Variants in PCDHGA5 observed in about 807,000 individuals in gnomAD.
PCDHGA5 encodes protocadherin gamma-A5.
In PCDHGA5, 36 loss-of-function variants were observed where a neutral mutation model predicts 56.7. That is an observed-to-expected ratio of 0.64 (90% CI 0.49 to 0.84). PCDHGA5 has a LOEUF of 0.84. Among genes scored for constraint, PCDHGA5 ranks in the 40% least tolerant of loss-of-function variants. The pLI is 0.00. For synonymous variants in PCDHGA5, 563 were observed against 520.2 expected (o/e 1.08, Z -1.12); for missense variants, 1,305 against 1,201.5 (o/e 1.09, Z -1.27).
At position 141,490,381 on chromosome 5, in the gene PCDHGA5, A is replaced by T. The variant is rs770046796; in HGVS notation, c.2422-4426A>T. 1 of 1,614,240 alleles carries T rather than the reference A, an allele frequency of 6.2e-7. No homozygotes were observed. The highest frequency in any genetic ancestry group is 1.1e-5 in the South Asian group (1 of 91,090). On this transcript the variant is annotated intron_variant, in intron 1 of 3. Coordinates refer to ENST00000518069, the MANE Select transcript of PCDHGA5 (RefSeq NM_018918.3). This position sits in a 1 kb window ranked among gnomAD's most constrained non-coding sequence, Gnocchi z 5.4. ...TAATGTGCGAGACCGGGACTCAGGT[A>T]GAAATGGTGAAGTGAGCCTTGATAT...
chr5:141,425,979 A>T lies in PCDHGA5; in HGVS notation c.2421+59228A>T, dbSNP rs114212354. ...GTCCAACACATCAGTCTAATTCTGA[A>T]TCCCATTGAATTAGCAAAGGCTTCC... On this transcript the variant is annotated intron_variant, in intron 1 of 3. Coordinates refer to ENST00000518069, the MANE Select transcript of PCDHGA5 (RefSeq NM_018918.3). Among the ~76,000 whole-genome samples, 592 of 152,328 alleles carry T rather than the reference A, an allele frequency of 3.9e-3. 5 individuals carry two copies. Among genetic ancestry groups the T allele is most frequent in the African/African-American group, 0.014 (563 of 41,580 alleles).
chr5:141,384,829 G>A (rs1243050988), intron 1 of PCDHGA5: 5 of 1,613,524 alleles, frequency 3.1e-6, no homozygotes, highest in Non-Finnish European at 4.2e-6. Flanking sequence ...GAGCCTCGTG[G>A]TGGCCGTCCA....
chr5:141,383,626 T>C (rs747491955), intron 1 of PCDHGA5: 1 of 1,613,896 alleles, frequency 6.2e-7, no homozygotes, highest in Non-Finnish European at 8.5e-7. Context: ...GCCTGTCTTC[T>C]CTCTGCCTCA....
rs76381401 is a variant in PCDHGA5, at chr5:141,399,054, G to A, written c.2421+32303G>A. 4.7e-4 allele frequency: 759 copies of A among 1,613,694 alleles called. 3 individuals are homozygous for A. The African/African-American group carries it at 8.4e-3, about 18-fold the overall frequency. ...AGAAACTGGATTTTGAAGAGACCAAGGAATATTCAATGGTTGTAGAAGGGA... is the reference window on the plus strand; with the variant it reads ...AGAAACTGGATTTTGAAGAGACCAAAGAATATTCAATGGTTGTAGAAGGGA... On this transcript the variant is annotated intron_variant, in intron 1 of 3. Coordinates refer to ENST00000518069, the MANE Select transcript of PCDHGA5 (RefSeq NM_018918.3).
intron 1 of PCDHGA5, chr5:141,375,127 T>C (rs368439130): frequency 2.5e-6 from 4 of 1,613,808 alleles, no homozygotes; most frequent in African/African-American, 1.3e-5. Flanking sequence ...CAGAAGTGGT[T>C]GTTACATCTG....
At position 141,486,530 on chromosome 5, in the gene PCDHGA5, C is replaced by T; in HGVS notation, c.2422-8277C>T. 6.2e-7 allele frequency: 1 copy of T among 1,614,174 alleles called. No homozygotes were observed. The highest frequency in any genetic ancestry group is 8.5e-7 in the Non-Finnish European group (1 of 1,180,022). On this transcript the variant is annotated intron_variant, in intron 1 of 3. Transcript: ENST00000518069. The surrounding 1 kb of genome is among the most constrained non-coding windows in gnomAD (Gnocchi z 5.0). Reference sequence around the variant, plus strand: ...TATTTCAGATGTGAATGATAATCCACCCTCTTTCTTTCAGAGGTCACATGA... The same window carrying T: ...TATTTCAGATGTGAATGATAATCCATCCTCTTTCTTTCAGAGGTCACATGA...
intron 1 of PCDHGA5, chr5:141,399,025 CAAAAG>C (rs750003738): frequency 6.8e-6 from 11 of 1,613,846 alleles, no homozygotes; most frequent in Admixed American, 5.0e-5. Context: ...AATTACCACT[CAAAAG>C]AAACTGGATT....
At chr5:141,377,212 G>A (rs1390877095) in intron 1 of PCDHGA5, 4 of 151,992 alleles carry the variant, frequency 2.6e-5, no homozygotes, top group African/African-American at 4.8e-5. Context: ...AGTACATCTC[G>A]TTTCTTAGGT....
At chr5:141,469,543 C>T (rs1031152008) in intron 1 of PCDHGA5, among the ~76,000 whole-genome samples, 1 of 152,040 alleles carries the variant, frequency 6.6e-6, no homozygotes, top group Non-Finnish European at 1.5e-5. Context: ...CCACTGCACT[C>T]CAGCCTGGCG....
At chr5:141,375,315 A>T (rs372335399) in intron 1 of PCDHGA5, 6 of 1,613,674 alleles carry the variant, frequency 3.7e-6, no homozygotes, top group Non-Finnish European at 5.1e-6. Flanking sequence ...GCAGCTCTAG[A>T]CCGGGAAGAG....
At chr5:141,417,626 T>G in intron 1 of PCDHGA5, 2 of 689,576 alleles carry the variant, frequency 2.9e-6, no homozygotes, top group East Asian at 2.9e-5. Flanking sequence ...GAGCAAGCGC[T>G]GACGCCGGGG....
intron 1 of PCDHGA5, among the ~76,000 whole-genome samples, chr5:141,482,804 G>T (rs1431490730): frequency 6.6e-6 from 1 of 152,194 alleles, no homozygotes; most frequent in East Asian, 1.9e-4. Flanking sequence ...GGGTACGGTG[G>T]CTCATGCCTG....
chr5:141,370,026 T>G (rs969820845), intron 1 of PCDHGA5, among the ~76,000 whole-genome samples: 1 of 152,354 alleles, frequency 6.6e-6, no homozygotes, highest in Non-Finnish European at 1.5e-5. Context: ...ACTAAAGATA[T>G]AGTAAGTATA....
At chr5:141,428,792 T>A (rs1590880161) in intron 1 of PCDHGA5, 1 of 152,978 alleles carries the variant, frequency 6.5e-6, no homozygotes, top group Middle Eastern at 3.4e-3. Flanking sequence ...TTCCTTTCTG[T>A]GTGGGCCAGT....
In PCDHGA5 at chr5:141,487,747, CTA is replaced by C. The variant is rs2099663990; in HGVS notation, c.2422-7058_2422-7057del. 1 of 1,558,062 alleles carries C rather than the reference CTA, an allele frequency of 6.4e-7. No individual in the cohort carries two copies. The highest frequency in any genetic ancestry group is 2.4e-5 in the East Asian group (1 of 41,708). On this transcript the variant is annotated intron_variant, in intron 1 of 3. Coordinates refer to ENST00000518069, the MANE Select transcript of PCDHGA5 (RefSeq NM_018918.3). This position sits in a 1 kb window ranked among gnomAD's most constrained non-coding sequence, Gnocchi z 5.0. ...ATGTCACCATTTTTGTAAGAGGTAA[CTA>C]TGTGGTAGACGCTGTGCTTTGTAAC... is the stretch of plus-strand genomic sequence containing the variant.
Position 141,383,071 on chromosome 5 carries a change from G to C in PCDHGA5, c.2421+16320G>C. ...CAAGGACCTGGGGCTGGAGCCCCGGGAGCTGGCGGAGCGCGGAGTCCGCAT... is the reference window on the plus strand; with the variant it reads ...CAAGGACCTGGGGCTGGAGCCCCGGCAGCTGGCGGAGCGCGGAGTCCGCAT... On this transcript the variant is annotated intron_variant, in intron 1 of 3. Coordinates refer to ENST00000518069, the MANE Select transcript of PCDHGA5 (RefSeq NM_018918.3). The C allele has an allele frequency of 1.9e-6, 3 of 1,613,916 alleles. No homozygotes were observed. The South Asian group carries it at 3.3e-5, about 18-fold the overall frequency.
In PCDHGA5 at chr5:141,489,372, G is replaced by A. The variant is rs1335356378; in HGVS notation, c.2422-5435G>A. 2 of 1,613,814 alleles carry A rather than the reference G, an allele frequency of 1.2e-6. No individual in the cohort carries two copies. Among genetic ancestry groups the A allele is most frequent in the Non-Finnish European group, 1.7e-6 (2 of 1,179,700 alleles). On this transcript the variant is annotated intron_variant, in intron 1 of 3. Transcript: ENST00000518069. The surrounding 1 kb of genome is among the most constrained non-coding windows in gnomAD (Gnocchi z 4.5). ...TGGAGGAGTCTGAGCCGGGGACGCT[G>A]GTGGGGAATGTTGCTCAGGATCTGG...
intron 1 of PCDHGA5, among the ~76,000 whole-genome samples, chr5:141,450,826 A>T (rs965147554): frequency 1.9e-4 from 26 of 134,356 alleles, no homozygotes; most frequent in East Asian, 6.4e-4. Context: ...TATTATTATT[A>T]TTATTTTTTT....
At chr5:141,450,355 C>T (rs943649682) in intron 1 of PCDHGA5, among the ~76,000 whole-genome samples, 2 of 152,090 alleles carry the variant, frequency 1.3e-5, no homozygotes, top group Non-Finnish European at 2.9e-5. Context: ...TGAAACAGTT[C>T]CTCAGCCTTG....
Sources: allele counts gnomAD v4.1 joint callset (sites outside exome capture counted in the v4.1 genomes callset), GRCh38; gene constraint gnomAD v4.1.1; non-coding constraint Gnocchi (gnomAD v3.1); transcripts MANE v1.5; gene names NCBI Gene and HGNC (gene_info 2026-07-23, HGNC 2026-07-21).